The following VAC14 variants were observed in gnomAD, a reference collection of about 807,000 sequenced individuals.
VAC14 encodes VAC14 component of PIKFYVE complex.
VAC14 carries 47 observed loss-of-function variants against 85.3 expected under a neutral mutation model. That is an observed-to-expected ratio of 0.55 (90% confidence interval 0.44 to 0.70). VAC14 has a LOEUF of 0.70. Among genes scored for constraint, VAC14 ranks in the 30% least tolerant of loss-of-function variants. VAC14 has a pLI of 0.00. For missense variants in VAC14, 861 were observed against 1,004.3 expected, an observed-to-expected ratio of 0.86 and a Z score of 1.93; for synonymous variants, 447 against 430.5, an observed-to-expected ratio of 1.04 and a Z score of -0.47.
At chr16:70,719,504 T>C (rs1257579100) in intron 14 of VAC14, among the ~76,000 whole-genome samples, 1 of 152,044 alleles carries the variant, frequency 6.6e-6, no homozygotes, top group Non-Finnish European at 1.5e-5. Context: ...AGATTCAGAA[T>C]ATACAAAGGA....
chr16:70,731,681 G>A, intron 13 of VAC14, 54 bp from the exon 14 acceptor site: 1 of 1,496,236 alleles, frequency 6.7e-7, no homozygotes. Context: ...TCCACAGGGT[G>A]ATGAGATCCA....
At chr16:70,732,701 G>A (rs2054627015) in intron 13 of VAC14, among the ~76,000 whole-genome samples, 1 of 151,722 alleles carries the variant, frequency 6.6e-6, no homozygotes. Context: ...GGAGTGCAGT[G>A]GTGTGATCTT....
At position 70,780,779 on chromosome 16, in the gene VAC14, A is replaced by G; in HGVS notation, c.1096+11T>C. The G allele has an allele frequency of 1.9e-6, 3 of 1,580,862 alleles. No homozygotes were observed. Among genetic ancestry groups the G allele is most frequent in the Non-Finnish European group, 2.6e-6 (3 of 1,161,364 alleles). ...GACAGGAGGTGAGGTGTAGGGACGG[A>G]GTCCACTCACCACTGGCTGTGCCCT... On this transcript the variant is annotated intron_variant, in intron 9 of 18. Coordinates refer to ENST00000261776, the MANE Select transcript of VAC14 (RefSeq NM_018052.5).
intron 14 of VAC14, among the ~76,000 whole-genome samples, chr16:70,718,659 A>G (rs2054220160): frequency 6.6e-6 from 1 of 151,718 alleles, no homozygotes. Flanking sequence ...CTGGCTCAGC[A>G]TCTCGTGGGA....
At chr16:70,799,766 C>G (rs939481479) in intron 1 of VAC14, among the ~76,000 whole-genome samples, 2 of 152,116 alleles carry the variant, frequency 1.3e-5, no homozygotes. Context: ...GAATGTCACA[C>G]CACGGAATAG....
Position 70,772,176 on chromosome 16 carries a change from G to C in VAC14, c.1097-4C>G, listed in dbSNP as rs371214002. 4.3e-6 allele frequency: 7 copies of C among 1,613,740 alleles called. No homozygotes were observed. Among genetic ancestry groups the C allele is most frequent in the Middle Eastern group, 1.7e-4 (1 of 6,058 alleles). On this transcript the variant is annotated splice_polypyrimidine_tract_variant and splice_region_variant and intron_variant, in intron 9 of 18. Transcript: ENST00000261776. ...TCACAGGAACCATCTGGACCTCCTG[G>C]GAGAGGAAGAGGAACAAGGGGTCAT...
At chr16:70,693,187 A>C (rs2053633908) in intron 17 of VAC14, among the ~76,000 whole-genome samples, 1 of 152,186 alleles carries the variant, frequency 6.6e-6, no homozygotes, top group African/African-American at 2.4e-5. Context: ...CACCTCCCCC[A>C]GGAGTGTCCT....
At chr16:70,688,916 G>A in intron 18 of VAC14, 1 of 985,524 alleles carries the variant, frequency 1.0e-6, no homozygotes, top group Non-Finnish European at 1.2e-6. Flanking sequence ...CTGGTTTGGA[G>A]GAGCAGATCC....
chr16:70,740,332 G>A (rs2030149130), intron 13 of VAC14, among the ~76,000 whole-genome samples: 1 of 152,228 alleles, frequency 6.6e-6, no homozygotes, highest in South Asian at 2.1e-4. Context: ...GGTTTTAGGG[G>A]CAAACGTCAG....
intron 1 of VAC14, among the ~76,000 whole-genome samples, chr16:70,787,426 G>A (rs1473777153): frequency 1.3e-5 from 2 of 152,206 alleles, no homozygotes; most frequent in Non-Finnish European, 2.9e-5. Context: ...AGGTCGGAGG[G>A]AGGCTGCCCT....
At chr16:70,688,454 A>T (rs1372940018) in intron 18 of VAC14, 41 of 998,996 alleles carry the variant, frequency 4.1e-5, no homozygotes, top group Non-Finnish European at 4.8e-5. Flanking sequence ...GGGGCCTGGA[A>T]CAGGGTCTGG....
chr16:70,792,965 C>G (rs713511), intron 1 of VAC14, among the ~76,000 whole-genome samples: 31,210 of 152,122 alleles, frequency 0.21, 5,137 homozygotes, highest in African/African-American at 0.46. Flanking sequence ...CCCTTTCCTA[C>G]GGTCACCAAA....
chr16:70,754,842 T>A (rs945705243), intron 12 of VAC14, among the ~76,000 whole-genome samples: 11 of 151,982 alleles, frequency 7.2e-5, no homozygotes, highest in African/African-American at 2.7e-4. Flanking sequence ...GTGGATGGAA[T>A]GAAAATTGGA....
intron 18 of VAC14, chr16:70,691,692 G>A (rs1388345104): frequency 2.7e-5 from 27 of 985,316 alleles, no homozygotes; most frequent in African/African-American, 7.0e-5. Context: ...GGCACGAGCC[G>A]GTCTTGGTTG....
At chr16:70,746,847 C>T (rs2143014349) in intron 12 of VAC14, among the ~76,000 whole-genome samples, 1 of 151,910 alleles carries the variant, frequency 6.6e-6, no homozygotes, top group South Asian at 2.1e-4. Flanking sequence ...AGGGAGGGGA[C>T]TTGAGACCAG....
chr16:70,772,053 G>T (rs572125704), intron 10 of VAC14, 56 bp downstream of exon 10: 81 of 1,559,676 alleles, frequency 5.2e-5, no homozygotes, highest in Admixed American at 3.0e-4. Flanking sequence ...CCGCATCCAG[G>T]AAAGATCTAG....
In VAC14 at chr16:70,784,821, G is replaced by A; in HGVS notation, c.441C>T (p.Asp147=). Residue 147 remains aspartate (D), a synonymous_variant, in exon 4 of 19, where the codon GAC becomes GAT. Coordinates refer to ENST00000261776, the MANE Select transcript of VAC14 (RefSeq NM_018052.5). The part of the protein sequence containing the change: ...DGLSKLAADP[D]PNVKSGSELL... ...GCTCAGATCCGCTTTTCACATTGGG[G>A]TCTGGGTCGGCTGCCAGCTGCAAGA... 6.2e-7 allele frequency: 1 copy of A among 1,614,106 alleles called. No homozygotes were observed. The highest frequency in any genetic ancestry group is 8.5e-7 in the Non-Finnish European group (1 of 1,180,034).
At chr16:70,718,672 A>G (rs916499126) in intron 14 of VAC14, among the ~76,000 whole-genome samples, 8 of 151,816 alleles carry the variant, frequency 5.3e-5, no homozygotes, top group African/African-American at 1.9e-4. Flanking sequence ...TCGTGGGAAG[A>G]GTGACCCCTT....
intron 14 of VAC14, among the ~76,000 whole-genome samples, chr16:70,721,902 A>G (rs1379342762): frequency 6.6e-6 from 1 of 152,082 alleles, no homozygotes; most frequent in Non-Finnish European, 1.5e-5. Flanking sequence ...CCATCAGGCC[A>G]TCACTCTCTC....
Sources: gnomAD v4.1 joint callset for allele counts (sites outside exome capture counted in the v4.1 genomes callset) on GRCh38, gnomAD v4.1.1 for gene constraint, MANE v1.5 for transcripts, NCBI Gene and HGNC (gene_info 2026-07-23, HGNC 2026-07-21) for gene names.